Variants in NELL1 observed in about 807,000 individuals in gnomAD.
The protein encoded by NELL1 is protein kinase C-binding protein NELL1.
A neutral mutation model predicts 107.4 loss-of-function variants in NELL1; 76 were observed. The observed-to-expected ratio is 0.71, with a 90% CI of 0.59 to 0.86. The LOEUF (loss-of-function observed/expected upper bound fraction) is 0.86, where lower values mean the gene tolerates loss of function less well. Ranked by LOEUF, NELL1 falls within the 40% of genes least tolerant of loss-of-function variation. The pLI is 0.00. For missense variants in NELL1, 1,024 were observed against 1,005.5 expected (o/e 1.02, Z -0.25); for synonymous variants, 353 against 341.2 (o/e 1.03, Z -0.38).
rs1051937140 is a variant in NELL1, at chr11:21,404,010, C to A, written c.1645+33062C>A. Among the ~76,000 whole-genome samples the A allele has an allele frequency of 7.4e-4, 80 of 108,242 alleles. 2 individuals carry two copies. The East Asian group carries it at 0.021, about 29-fold the overall frequency. The allele number at this position is 108,242 out of a possible 152,430, so 71.0% of individuals were successfully genotyped here. ...AATATCTCTGTCATTCCTGAACCCC[C>A]CCCCCCGCAATCAAAACCACTGGAT... is the stretch of plus-strand genomic sequence containing the variant. On this transcript the variant is annotated intron_variant, in intron 15 of 19. Coordinates refer to ENST00000357134, the MANE Select transcript of NELL1 (RefSeq NM_006157.5).
intron 15 of NELL1, among the ~76,000 whole-genome samples, chr11:21,397,075 T>C (rs981638893): frequency 6.6e-6 from 1 of 151,744 alleles, no homozygotes; most frequent in African/African-American, 2.4e-5. Context: ...CAAAAGTTTC[T>C]TCTTAACTAT....
chr11:21,418,847 G>A (rs779410477), intron 15 of NELL1, among the ~76,000 whole-genome samples: 1 of 152,120 alleles, frequency 6.6e-6, no homozygotes, highest in Non-Finnish European at 1.5e-5. Context: ...CTTATGTGTG[G>A]ATTTCAGAGT....
intron 14 of NELL1, among the ~76,000 whole-genome samples, chr11:21,252,748 T>C (rs1467228633): frequency 6.6e-6 from 1 of 152,140 alleles, no homozygotes; most frequent in Admixed American, 6.6e-5. Context: ...TTAGTAGAGC[T>C]ATCCAAAGAA....
At chr11:21,035,150 A>G (rs897693613) in intron 12 of NELL1, among the ~76,000 whole-genome samples, 2 of 152,138 alleles carry the variant, frequency 1.3e-5, no homozygotes, top group Admixed American at 6.6e-5. Flanking sequence ...TCCTGGACAC[A>G]TACACCCTCC....
intron 12 of NELL1, among the ~76,000 whole-genome samples, chr11:21,029,465 C>T (rs1478469953): frequency 6.6e-6 from 1 of 152,002 alleles, no homozygotes; most frequent in Non-Finnish European, 1.5e-5. Flanking sequence ...TCCTCCTCTC[C>T]CTCACAATCC....
intron 12 of NELL1, among the ~76,000 whole-genome samples, chr11:21,082,814 T>G (rs1309109091): frequency 6.6e-6 from 1 of 152,240 alleles, no homozygotes; most frequent in African/African-American, 2.4e-5. Flanking sequence ...ACTGAAATGC[T>G]TCACCCTACC....
chr11:21,330,934 C>T (rs929762563), intron 14 of NELL1, among the ~76,000 whole-genome samples: 28 of 152,004 alleles, frequency 1.8e-4, no homozygotes, highest in African/African-American at 6.3e-4. Flanking sequence ...GTTCAGATTG[C>T]ATAATCTTTA....
intron 1 of NELL1, among the ~76,000 whole-genome samples, chr11:20,673,448 G>C (rs955161382): frequency 1.3e-5 from 2 of 152,170 alleles, no homozygotes; most frequent in African/African-American, 4.8e-5. Context: ...CTTCCACCAT[G>C]GACAATGAGC....
intron 4 of NELL1, among the ~76,000 whole-genome samples, chr11:20,863,393 T>C (rs1164363514): frequency 2.8e-4 from 21 of 75,808 alleles, no homozygotes; most frequent in African/African-American, 5.0e-4. Flanking sequence ...CTGGACGGGG[T>C]GGCTGCCAGG....
In NELL1 at chr11:21,062,005, C is replaced by T. The variant is rs143576065; in HGVS notation, c.1301-51584C>T. On this transcript the variant is annotated intron_variant, in intron 12 of 19. Coordinates refer to ENST00000357134, the MANE Select transcript of NELL1 (RefSeq NM_006157.5). ...GACTTGCCTCAGACCATACATTCTC[C>T]AGATTGTCTACTTGCAACTGGTTGG... Among the ~76,000 whole-genome samples the T allele has an allele frequency of 5.3e-5, 8 of 152,286 alleles. No homozygotes were observed. In the East Asian group the frequency reaches 1.5e-3, roughly 29 times the overall value.
intron 15 of NELL1, among the ~76,000 whole-genome samples, chr11:21,420,298 T>C (rs933212691): frequency 6.6e-6 from 1 of 152,064 alleles, no homozygotes; most frequent in Non-Finnish European, 1.5e-5. Flanking sequence ...TTAAACATGG[T>C]AGATTAAACA....
At chr11:21,449,480 A>T (rs1853524656) in intron 15 of NELL1, among the ~76,000 whole-genome samples, 1 of 152,164 alleles carries the variant, frequency 6.6e-6, no homozygotes, top group African/African-American at 2.4e-5. Flanking sequence ...TTGACATATG[A>T]AAATATCTGC....
intron 2 of NELL1, among the ~76,000 whole-genome samples, chr11:20,771,543 A>G (rs1043517343): frequency 2.6e-5 from 4 of 152,174 alleles, no homozygotes; most frequent in Non-Finnish European, 5.9e-5. Context: ...AGCACTTTCT[A>G]GTCTGATGAC....
intron 3 of NELL1, among the ~76,000 whole-genome samples, chr11:20,845,944 T>A (rs960038659): frequency 6.6e-6 from 1 of 152,204 alleles, no homozygotes; most frequent in South Asian, 2.1e-4. Flanking sequence ...GCCAATAGTC[T>A]GTAACATCTT....
At chr11:21,019,601 A>G (rs1295758447) in intron 12 of NELL1, among the ~76,000 whole-genome samples, 1 of 152,036 alleles carries the variant, frequency 6.6e-6, no homozygotes, top group Admixed American at 6.6e-5. Flanking sequence ...GGAAGGAGGG[A>G]GTGCTCCTGG....
At chr11:20,732,849 C>T (rs549211806) in intron 2 of NELL1, among the ~76,000 whole-genome samples, 104 of 152,234 alleles carry the variant, frequency 6.8e-4, no homozygotes, top group African/African-American at 2.3e-3. Context: ...GACCTGAGTT[C>T]ATTCATTAAT....
chr11:21,138,366 A>C (rs1198218510), intron 13 of NELL1, among the ~76,000 whole-genome samples: 1 of 152,222 alleles, frequency 6.6e-6, no homozygotes, highest in African/African-American at 2.4e-5. Flanking sequence ...TCATTTCCAC[A>C]GCAATAGCCT....
intron 14 of NELL1, among the ~76,000 whole-genome samples, chr11:21,247,628 G>A (rs750424654): frequency 1.1e-4 from 17 of 152,148 alleles, no homozygotes; most frequent in Non-Finnish European, 2.2e-4. Flanking sequence ...AAGGACCTAC[G>A]TGGGGTATTT....
rs1304056082 is a variant in NELL1, at chr11:20,755,921, C to A, written c.185-27759C>A. ...TTTTTTTTTTTTTATGAGACGGAGTCTCGCTCTGTCTCCCAGGCTGGAGTG... is the reference window on the plus strand; with the variant it reads ...TTTTTTTTTTTTTATGAGACGGAGTATCGCTCTGTCTCCCAGGCTGGAGTG... On this transcript the variant is annotated intron_variant, in intron 2 of 19. Coordinates refer to ENST00000357134, the MANE Select transcript of NELL1 (RefSeq NM_006157.5). 2.3e-5 allele frequency among the ~76,000 whole-genome samples: 3 copies of A among 132,612 alleles called. 1 individual carries two copies. The highest frequency in any genetic ancestry group is 9.3e-5 in the African/African-American group (3 of 32,178). The allele number at this position is 132,612 out of a possible 152,430, so 87.0% of individuals were successfully genotyped here. A position where few individuals can be genotyped will look rare whatever the true frequency, so the allele number is the denominator to read the frequency against.
Sources: allele counts gnomAD v4.1 joint callset (sites outside exome capture counted in the v4.1 genomes callset), GRCh38; gene constraint gnomAD v4.1.1; transcripts MANE v1.5; gene names NCBI Gene and HGNC (gene_info 2026-07-23, HGNC 2026-07-21).